The following SAMD3 variants were observed in gnomAD, a reference collection of about 807,000 sequenced individuals.
The protein encoded by SAMD3 is sterile alpha motif domain containing 3.
Under a neutral mutation model 58.5 loss-of-function variants are expected in SAMD3, and 63 were observed. The ratio of observed to expected loss-of-function variants is 1.08; its 90% CI spans 0.88 to 1.33. The LOEUF (loss-of-function observed/expected upper bound fraction) is 1.33, where lower values mean the gene tolerates loss of function less well. SAMD3 is among the 40% of genes most tolerant of loss of function. The probability of loss-of-function intolerance (pLI) is 0.00; values close to 1 mark genes in which losing one functional copy is unlikely to be tolerated. For synonymous variants in SAMD3, 220 were observed against 210.3 expected (o/e 1.05, Z -0.40); for missense variants, 604 against 608.4 (o/e 0.99, Z 0.08).
At chr6:130,193,875 T>C (rs1793811749) in intron 5 of SAMD3, among the ~76,000 whole-genome samples, 2 of 152,184 alleles carry the variant, frequency 1.3e-5, no homozygotes, top group African/African-American at 2.4e-5. Flanking sequence ...CTAGTCTCTG[T>C]GCCCAATGCA....
At chr6:130,320,236 G>A (rs1020368236) in intron 1 of SAMD3, among the ~76,000 whole-genome samples, 2 of 152,106 alleles carry the variant, frequency 1.3e-5, no homozygotes, top group African/African-American at 2.4e-5. Flanking sequence ...AAAAAGAAAT[G>A]GGGGAAATCT....
chr6:130,339,175 T>C (rs1248844475), intron 1 of SAMD3, among the ~76,000 whole-genome samples: 1 of 152,134 alleles, frequency 6.6e-6, no homozygotes, highest in Non-Finnish European at 1.5e-5. Flanking sequence ...GCCTCCCAAG[T>C]AGCTGGGACT....
chr6:130,356,826 C>T (rs1300588155), intron 1 of SAMD3, among the ~76,000 whole-genome samples: 1 of 152,156 alleles, frequency 6.6e-6, no homozygotes, highest in Non-Finnish European at 1.5e-5. Flanking sequence ...CCTGTTGGGA[C>T]TACAGGGAAG....
At chr6:130,334,778 A>G (rs1335869248) in intron 1 of SAMD3, among the ~76,000 whole-genome samples, 1 of 152,228 alleles carries the variant, frequency 6.6e-6, no homozygotes, top group African/African-American at 2.4e-5. Context: ...TGGCAGATCC[A>G]GAATGAAAGC....
intron 1 of SAMD3, among the ~76,000 whole-genome samples, chr6:130,332,215 G>A (rs779523639): frequency 1.4e-4 from 22 of 152,196 alleles, no homozygotes; most frequent in Non-Finnish European, 1.8e-4. Context: ...GTGGTTCCTA[G>A]ATTTTGGTTT....
intron 1 of SAMD3, among the ~76,000 whole-genome samples, chr6:130,325,103 C>T (rs1776712674): frequency 6.6e-6 from 1 of 152,068 alleles, no homozygotes; most frequent in African/African-American, 2.4e-5. Context: ...GCAGGTTTTT[C>T]CTTTAGCAGA....
intron 2 of SAMD3, among the ~76,000 whole-genome samples, chr6:130,304,422 G>A (rs932047982): frequency 6.6e-5 from 10 of 152,044 alleles, no homozygotes; most frequent in South Asian, 4.2e-4. Flanking sequence ...CACCCGCCTC[G>A]GCCTCCCAAA....
At chr6:130,161,776 G>A (rs1790302348) in intron 8 of SAMD3, 1 of 152,512 alleles carries the variant, frequency 6.6e-6, no homozygotes, top group East Asian at 1.9e-4. Context: ...CAGGTGTGCA[G>A]GTTTCTTTTA....
chr6:130,325,307 A>T (rs1016900665), intron 1 of SAMD3, among the ~76,000 whole-genome samples: 1 of 152,128 alleles, frequency 6.6e-6, no homozygotes, highest in African/African-American at 2.4e-5. Context: ...TGAGGACAAA[A>T]GACCTGCGAA....
At position 130,244,315 on chromosome 6, in the gene SAMD3, C is replaced by T. The variant is rs192342279; in HGVS notation, c.-187-21502G>A. Among the ~76,000 whole-genome samples the T allele has an allele frequency of 2.6e-4, 40 of 152,260 alleles. 2 individuals are homozygous for T. Among genetic ancestry groups the T allele is most frequent in the African/African-American group, 8.9e-4 (37 of 41,546 alleles). ...AGCTAGCATTTTTCCATTAGGAAGG[C>T]GTCAAGTGTGTTGAAGAACAGGCTC... On this transcript the variant is annotated intron_variant, in intron 2 of 13. Transcript: ENST00000368134.
chr6:130,147,094 C>T (rs1261569138), intron 9 of SAMD3, among the ~76,000 whole-genome samples: 1 of 152,210 alleles, frequency 6.6e-6, no homozygotes, highest in Admixed American at 6.5e-5. Context: ...ACTGCCTGAA[C>T]TCTTCCCCCT....
chr6:130,279,769 G>C (rs1209782697), intron 2 of SAMD3, among the ~76,000 whole-genome samples: 1 of 152,154 alleles, frequency 6.6e-6, no homozygotes, highest in Non-Finnish European at 1.5e-5. Flanking sequence ...ACAGGTGTGA[G>C]CCACTGTGCC....
intron 1 of SAMD3, among the ~76,000 whole-genome samples, chr6:130,339,830 T>C (rs1777216736): frequency 6.6e-6 from 1 of 152,176 alleles, no homozygotes; most frequent in Non-Finnish European, 1.5e-5. Context: ...ATATCAGTAG[T>C]AGTGTGATTA....
chr6:130,260,784 G>C (rs1774097927), intron 2 of SAMD3, among the ~76,000 whole-genome samples: 1 of 152,242 alleles, frequency 6.6e-6, no homozygotes. Flanking sequence ...CGCCTCACCA[G>C]AGCAGTGTGT....
chr6:130,303,539 A>C (rs1294798617), intron 2 of SAMD3, among the ~76,000 whole-genome samples: 1 of 152,140 alleles, frequency 6.6e-6, no homozygotes, highest in Non-Finnish European at 1.5e-5. Context: ...ATAGAAACTC[A>C]TTTACCCAGT....
intron 1 of SAMD3, among the ~76,000 whole-genome samples, chr6:130,323,909 T>C (rs1776670740): frequency 6.6e-6 from 1 of 151,808 alleles, no homozygotes; most frequent in African/African-American, 2.4e-5. Context: ...TTTTAAGTGC[T>C]GGCTATGCAG....
intron 2 of SAMD3, among the ~76,000 whole-genome samples, chr6:130,288,233 G>A (rs535663711): frequency 5.5e-4 from 84 of 152,312 alleles, no homozygotes; most frequent in Non-Finnish European, 2.4e-4. Flanking sequence ...TCACCATATT[G>A]TGGGGGCTGG....
chr6:130,171,979 T>TA (rs1320156359), intron 8 of SAMD3, among the ~76,000 whole-genome samples: 1 of 152,198 alleles, frequency 6.6e-6, no homozygotes, highest in African/African-American at 2.4e-5. Flanking sequence ...TCTTTGTCTT[T>TA]TATGATCTTT....
intron 1 of SAMD3, among the ~76,000 whole-genome samples, chr6:130,345,757 G>A (rs957685356): frequency 2.6e-5 from 4 of 152,222 alleles, no homozygotes; most frequent in Admixed American, 1.3e-4. Context: ...GTCCTCAAGT[G>A]GTACAAAAGA....
Sources: gnomAD v4.1 joint callset for allele counts (sites outside exome capture counted in the v4.1 genomes callset) on GRCh38, gnomAD v4.1.1 for gene constraint, MANE v1.5 for transcripts, NCBI Gene and HGNC (gene_info 2026-07-23, HGNC 2026-07-21) for gene names.